The following OSBPL2 variants were observed in gnomAD, a reference collection of about 807,000 sequenced individuals.
OSBPL2 encodes the protein oxysterol binding protein like 2.
A neutral mutation model predicts 58.4 loss-of-function variants in OSBPL2; 18 were observed. The observed-to-expected ratio is 0.31, with a 90% CI of 0.21 to 0.46. The LOEUF (loss-of-function observed/expected upper bound fraction) is 0.46, where lower values mean the gene tolerates loss of function less well. OSBPL2 is among the 20% of genes least tolerant of loss of function. The probability of loss-of-function intolerance (pLI) is 1.00; values close to 1 mark genes in which losing one functional copy is unlikely to be tolerated. For synonymous variants in OSBPL2, 221 were observed against 234.1 expected (o/e 0.94, Z 0.51); for missense variants, 461 against 616.5 (o/e 0.75, Z 2.67).
intron 1 of OSBPL2, among the ~76,000 whole-genome samples, chr20:62,242,086 T>C (rs933454210): frequency 1.3e-5 from 2 of 152,240 alleles, no homozygotes; most frequent in Admixed American, 6.5e-5. Context: ...TTTCCACATA[T>C]GCTAGTTGAT....
In OSBPL2 at chr20:62,273,172, G is replaced by A. The variant is rs1982175568; in HGVS notation, c.394-137G>A. 5.6e-6 allele frequency: 4 copies of A among 709,554 alleles called. No homozygotes were observed. The African/African-American group carries it at 7.4e-5, about 13-fold the overall frequency. 44.0% of individuals were successfully genotyped at this position (709,554 alleles called of 1,614,324 possible). A position where few individuals can be genotyped will look rare whatever the true frequency, so the allele number is the denominator to read the frequency against. On this transcript the variant is annotated intron_variant, in intron 5 of 13. Coordinates refer to ENST00000313733, the MANE Select transcript of OSBPL2 (RefSeq NM_144498.4). ...GAAGTCCTATAATCTCAGACACACTGCTCGGGGAAAACTGAAAACGCACAC... is the reference window on the plus strand; with the variant it reads ...GAAGTCCTATAATCTCAGACACACTACTCGGGGAAAACTGAAAACGCACAC...
At chr20:62,240,645 C>T (rs1353760388) in intron 1 of OSBPL2, among the ~76,000 whole-genome samples, 5 of 152,164 alleles carry the variant, frequency 3.3e-5, no homozygotes, top group Non-Finnish European at 7.3e-5. Context: ...CTTTTAATAT[C>T]AAGATTTTCA....
intron 2 of OSBPL2, among the ~76,000 whole-genome samples, chr20:62,258,346 T>C (rs1264198632): frequency 6.6e-6 from 1 of 152,262 alleles, no homozygotes; most frequent in African/African-American, 2.4e-5. Context: ...TCTGACTTTG[T>C]AACTCTAATT....
At position 62,256,162 on chromosome 20, in the gene OSBPL2, C is replaced by T; in HGVS notation, c.-23C>T. 1 of 1,612,896 alleles carries T rather than the reference C, an allele frequency of 6.2e-7. No individual in the cohort carries two copies. The highest frequency in any genetic ancestry group is 8.5e-7 in the Non-Finnish European group (1 of 1,179,126). ...TCAGTAGAAGAGCACATGTCAGGGGCAGTGGAGGCTGGCTGCTGAAGGATG... is the reference window on the plus strand; with the variant it reads ...TCAGTAGAAGAGCACATGTCAGGGGTAGTGGAGGCTGGCTGCTGAAGGATG... On this transcript the variant is annotated 5_prime_UTR_variant, in exon 2 of 14. Transcript: ENST00000313733.
chr20:62,259,900 G>T, intron 2 of OSBPL2, 81 bp from the exon 3 acceptor site: 1 of 1,297,618 alleles, frequency 7.7e-7, no homozygotes, highest in Non-Finnish European at 1.1e-6. Context: ...TCACCTGCTT[G>T]CATAGTCAGA....
At chr20:62,265,754 T>C (rs1257694608) in intron 4 of OSBPL2, among the ~76,000 whole-genome samples, 1 of 152,240 alleles carries the variant, frequency 6.6e-6, no homozygotes, top group East Asian at 1.9e-4. Context: ...ATAATTCAGG[T>C]CTTGACAAAA....
At chr20:62,273,610 AGT>A (rs1982207856) in intron 6 of OSBPL2, among the ~76,000 whole-genome samples, 1 of 152,158 alleles carries the variant, frequency 6.6e-6, no homozygotes, top group South Asian at 2.1e-4. Context: ...CGTCTGAGTG[AGT>A]GTAAAGCGCT....
At chr20:62,280,958 C>G in intron 7 of OSBPL2, 100 bp from the exon 8 acceptor site, 2 of 848,662 alleles carry the variant, frequency 2.4e-6, no homozygotes, top group Non-Finnish European at 4.1e-6. Context: ...CCGCGGGTGC[C>G]GGTTGCTGTG....
At chr20:62,290,622 A>G (rs1983442161) in intron 12 of OSBPL2, among the ~76,000 whole-genome samples, 3 of 149,312 alleles carry the variant, frequency 2.0e-5, no homozygotes, top group Middle Eastern at 3.6e-3. Flanking sequence ...GGGTTTCACC[A>G]TGTTAGCCAG....
In OSBPL2 at chr20:62,294,160, G is replaced by A. The variant is rs1266559815; in HGVS notation, c.*273G>A. 6 of 500,618 alleles carry A rather than the reference G, an allele frequency of 1.2e-5. No individual in the cohort carries two copies. In the African/African-American group the frequency reaches 1.2e-4, roughly 10 times the overall value. 31.0% of individuals were successfully genotyped at this position (500,618 alleles called of 1,614,324 possible). A position where few individuals can be genotyped will look rare whatever the true frequency, so the allele number is the denominator to read the frequency against. ...ATTCTTCACGGCGCCCTTTTATGTG[G>A]CAGAAATCAGCTGGGGCTTGTTTAG... On this transcript the variant is annotated 3_prime_UTR_variant, in exon 14 of 14. Transcript: ENST00000313733.
chr20:62,261,625 G>C (rs1448356020), intron 3 of OSBPL2, among the ~76,000 whole-genome samples: 1 of 152,122 alleles, frequency 6.6e-6, no homozygotes, highest in Non-Finnish European at 1.5e-5. Flanking sequence ...CTGACTCTGT[G>C]GTCGCTTTAA....
chr20:62,274,994 C>T (rs1485458879), intron 6 of OSBPL2, among the ~76,000 whole-genome samples: 2 of 152,098 alleles, frequency 1.3e-5, no homozygotes, highest in African/African-American at 4.8e-5. Context: ...CGAGAGAGTG[C>T]TCTTTATAGA....
chr20:62,286,342 C>G, intron 10 of OSBPL2: 1 of 371,630 alleles, frequency 2.7e-6, no homozygotes, highest in South Asian at 3.3e-5. Flanking sequence ...TCCAGCTACT[C>G]GGGAGGCTGA....
chr20:62,269,943 C>A lies in OSBPL2; in HGVS notation c.259-2182C>A, dbSNP rs1282104239. Among the ~76,000 whole-genome samples the A allele has an allele frequency of 1.3e-5, 2 of 152,234 alleles. No homozygotes were observed. The highest frequency in any genetic ancestry group is 2.9e-5 in the Non-Finnish European group (2 of 68,032). ...CCAGTGCCATCTGGGGCCTGCTCGC[C>A]CCTGCAGCAGCCTGAGCCGCAGGCT... is the stretch of plus-strand genomic sequence containing the variant. On this transcript the variant is annotated intron_variant, in intron 4 of 13. Transcript: ENST00000313733. The surrounding 1 kb of genome is among the most constrained non-coding windows in gnomAD (Gnocchi z 4.2).
intron 1 of OSBPL2, among the ~76,000 whole-genome samples, chr20:62,253,958 A>C (rs1980749358): frequency 6.6e-6 from 1 of 151,818 alleles, no homozygotes; most frequent in Non-Finnish European, 1.5e-5. Context: ...TGCCTGGGCT[A>C]ATTTTTTTTG....
At chr20:62,284,015 A>G in intron 9 of OSBPL2, 31 bp from the exon 10 acceptor site, 1 of 1,601,894 alleles carries the variant, frequency 6.2e-7, no homozygotes, top group Non-Finnish European at 8.5e-7. Context: ...AATGACTAAG[A>G]CTTGTCTTTA....
chr20:62,289,702 G>T (rs1264321978), intron 12 of OSBPL2, among the ~76,000 whole-genome samples: 1 of 152,156 alleles, frequency 6.6e-6, no homozygotes, highest in Non-Finnish European at 1.5e-5. Context: ...TCAGGAGTTC[G>T]AAACCATCCT....
chr20:62,289,242 C>G lies in OSBPL2; in HGVS notation c.1161C>G (p.Asn387Lys). The G allele has an allele frequency of 6.2e-7, 1 of 1,613,824 alleles. No homozygotes were observed. The highest frequency in any genetic ancestry group is 8.5e-7 in the Non-Finnish European group (1 of 1,179,858). Residue 387 changes from asparagine to lysine, a missense_variant, in exon 12 of 14, where the codon AAC becomes AAG. By Grantham distance (94) the Asn-to-Lys change is moderately conservative (BLOSUM62 0). Coordinates refer to ENST00000313733, the MANE Select transcript of OSBPL2 (RefSeq NM_144498.4). ...TCACCAGTTTCACTGTGAGCCTCAA[C>G]GAGCTGGAGACAGGCATGGAGAAGA... ...YNFTSFTVSL[N>K]ELETGMEKTL...
chr20:62,239,679 G>C (rs1432719070), intron 1 of OSBPL2, among the ~76,000 whole-genome samples: 1 of 152,168 alleles, frequency 6.6e-6, no homozygotes, highest in African/African-American at 2.4e-5. Context: ...GTGTGGTGAG[G>C]ACAGCGGAGA....
Sources: gnomAD v4.1 joint callset for allele counts (sites outside exome capture counted in the v4.1 genomes callset) on GRCh38, gnomAD v4.1.1 for gene constraint, Gnocchi (gnomAD v3.1) non-coding constraint, MANE v1.5 for transcripts, NCBI Gene and HGNC (gene_info 2026-07-23, HGNC 2026-07-21) for gene names.